Variants in SOCS4 observed in about 807,000 individuals in gnomAD.
The protein encoded by SOCS4 is suppressor of cytokine signaling 4.
Under a neutral mutation model 34.1 loss-of-function variants are expected in SOCS4, and 20 were observed. That is an observed-to-expected ratio of 0.59 (90% CI 0.41 to 0.85). The LOEUF is 0.85. SOCS4 is among the 40% of genes least tolerant of loss of function. The pLI, the probability that SOCS4 is intolerant of heterozygous loss-of-function variation, is 0.00. For missense variants in SOCS4, 479 were observed against 532.4 expected, an observed-to-expected ratio of 0.90 and a Z score of 0.99; for synonymous variants, 180 against 186.4, an observed-to-expected ratio of 0.97 and a Z score of 0.28.
Position 55,028,333 on chromosome 14 carries a change from C to G in SOCS4, c.-220+862C>G, listed in dbSNP as rs563504554. ...GGAAGAATGATTGGCTTAAAAACAA[C>G]TTGGGATTTGTGGAAAAATAACCCA... On this transcript the variant is annotated intron_variant, in intron 1 of 2. Transcript: ENST00000555846. Among the ~76,000 whole-genome samples, 4 of 152,182 alleles carry G rather than the reference C, an allele frequency of 2.6e-5. No homozygotes were observed. In the South Asian group the frequency reaches 8.3e-4, roughly 32 times the overall value.
Position 55,044,324 on chromosome 14 carries a change from TTAGAG to T in SOCS4, c.1286_1290del (p.Arg429ThrfsTer4). ...AAGGAATATCATTATAAATCAAAAG[TTAGAG>T]TACTCAGGATTGATGCACCAGAACA... is the stretch of plus-strand genomic sequence containing the variant. On this transcript the variant is annotated frameshift_variant, in exon 3 of 3. Coordinates refer to ENST00000555846, the MANE Select transcript of SOCS4 (RefSeq NM_199421.2). LOFTEE classifies it high-confidence loss of function. The T allele has an allele frequency of 1.2e-6, 2 of 1,613,118 alleles. No individual in the cohort carries two copies. The highest frequency in any genetic ancestry group is 1.7e-6 in the Non-Finnish European group (2 of 1,179,528).
chr14:55,032,177 G>T (rs532627602), intron 2 of SOCS4, among the ~76,000 whole-genome samples, 186 bp downstream of exon 2: 2 of 152,160 alleles, frequency 1.3e-5, no homozygotes, highest in Non-Finnish European at 2.9e-5. Flanking sequence ...GACATAAGTA[G>T]TTCAATGAAT....
rs1303344827 is a variant in SOCS4 at position 55,047,397 on chromosome 14, G to A, written c.*3033G>A. ...CTTGATTCATAGTATAATTCCTGAA[G>A]TATGCTGAATGGACTTTTTAAGGTT... On this transcript the variant is annotated 3_prime_UTR_variant, in exon 3 of 3. Transcript: ENST00000555846. 1 of 167,014 alleles carries A rather than the reference G, an allele frequency of 6.0e-6. No homozygotes were observed. Among genetic ancestry groups the A allele is most frequent in the Non-Finnish European group, 1.5e-5 (1 of 68,114 alleles). 10.3% of individuals were successfully genotyped at this position (167,014 alleles called of 1,614,324 possible).
rs1353557286 is a variant in SOCS4 at position 55,045,980 on chromosome 14, G to A, written c.*1616G>A. Reference sequence around the variant, plus strand: ...ATAATAGCTTTAAAATAATTTTTTAGTAATTATTACAAAATTAAGGAAAAT... The same window carrying A: ...ATAATAGCTTTAAAATAATTTTTTAATAATTATTACAAAATTAAGGAAAAT... On this transcript the variant is annotated 3_prime_UTR_variant, in exon 3 of 3. Transcript: ENST00000555846. 8 of 166,290 alleles carry A rather than the reference G, an allele frequency of 4.8e-5. No homozygotes were observed. The Admixed American group carries it at 5.3e-4, about 11-fold the overall frequency. 10.3% of individuals were successfully genotyped at this position (166,290 alleles called of 1,614,324 possible).
rs2042640102 is a variant in SOCS4, at chr14:55,043,468, A to G, written c.427A>G (p.Arg143Gly). The G allele has an allele frequency of 6.2e-7, 1 of 1,614,208 alleles. No homozygotes were observed. Among genetic ancestry groups the G allele is most frequent in the Middle Eastern group, 1.6e-4 (1 of 6,062 alleles). ...CCCACCTCGATCAGATTTAGCCTTTAGGTGGCATTTTATTAAACGACACAC... is the reference window on the plus strand; with the variant it reads ...CCCACCTCGATCAGATTTAGCCTTTGGGTGGCATTTTATTAAACGACACAC... ...PFPPRSDLAF[R>G]WHFIKRHTAP... is the part of the protein sequence containing the mutation. The change falls in exon 3 of 3, where the codon AGG becomes GGG. Residue 143 changes from arginine (R) to glycine (G), a missense_variant. Physicochemically the swap from Arg to Gly is moderately radical, Grantham distance 125. Coordinates refer to ENST00000555846, the MANE Select transcript of SOCS4 (RefSeq NM_199421.2).
At position 55,043,392 on chromosome 14, in the gene SOCS4, G is replaced by T. The variant is rs17128136; in HGVS notation, c.351G>T (p.Pro117=). 1.9e-6 allele frequency: 3 copies of T among 1,613,944 alleles called. No homozygotes were observed. Among genetic ancestry groups the T allele is most frequent in the African/African-American group, 2.7e-5 (2 of 74,898 alleles). ...NCSSRHSSGL[P]SKRKIHISEL... is the part of the protein sequence containing the mutation. ...GTAGTCGGCACTCTTCAGGGCTTCC[G>T]TCTAAAAGGAAAATTCATATCAGTG... The change falls in exon 3 of 3, where the codon CCG becomes CCT. Residue 117 remains proline, a synonymous_variant. Transcript: ENST00000555846.
chr14:55,035,137 A>G (rs1046617673), intron 2 of SOCS4, among the ~76,000 whole-genome samples: 3 of 152,230 alleles, frequency 2.0e-5, no homozygotes, highest in Admixed American at 6.5e-5. Context: ...CTGGGATTAC[A>G]GACATGAGCC....
chr14:55,043,393 T>A lies in SOCS4; in HGVS notation c.352T>A (p.Ser118Thr), dbSNP rs548655703. 2 of 1,614,208 alleles carry A rather than the reference T, an allele frequency of 1.2e-6. No homozygotes were observed. The highest frequency in any genetic ancestry group is 2.7e-5 in the African/African-American group (2 of 75,062). ...TAGTCGGCACTCTTCAGGGCTTCCG[T>A]CTAAAAGGAAAATTCATATCAGTGA... ...CSSRHSSGLP[S>T]KRKIHISELM... The change falls in exon 3 of 3, where the codon TCT becomes ACT. Residue 118 changes from serine (S) to threonine (T), a missense_variant. Ser to Thr is a moderately conservative substitution (Grantham distance 58). Coordinates refer to ENST00000555846, the MANE Select transcript of SOCS4 (RefSeq NM_199421.2).
At position 55,043,798 on chromosome 14, in the gene SOCS4, G is replaced by A; in HGVS notation, c.757G>A (p.Asp253Asn). The A allele has an allele frequency of 6.2e-7, 1 of 1,614,154 alleles. No homozygotes were observed. The highest frequency in any genetic ancestry group is 8.5e-7 in the Non-Finnish European group (1 of 1,180,006). ...KRNKPKWDLD[D>N]EILQLETPPK... ...AAACAAACCCAAATGGGATTTGGAT[G>A]ATGAAATCCTGCAGTTGGAAACACC... Residue 253 changes from aspartate (D) to asparagine (N), a missense_variant, in exon 3 of 3, where the codon GAT (aspartate) becomes AAT (asparagine). Asp to Asn is a conservative substitution (Grantham distance 23). Coordinates refer to ENST00000555846, the MANE Select transcript of SOCS4 (RefSeq NM_199421.2).
Position 55,043,279 on chromosome 14 carries a change from C to G in SOCS4, c.238C>G (p.His80Asp). ...SCSSIELDLD[H>D]SCGHRFLGRS... ...TTCATCCATTGAGTTGGACTTAGAT[C>G]ATTCCTGTGGGCATCGATTTTTAGG... Residue 80 changes from histidine (H) to aspartate (D), a missense_variant, in exon 3 of 3, where the codon CAT becomes GAT. His to Asp is a moderately conservative substitution (Grantham distance 81, BLOSUM62 -1). Transcript: ENST00000555846. The G allele has an allele frequency of 6.2e-7, 1 of 1,614,208 alleles. No individual in the cohort carries two copies. Among genetic ancestry groups the G allele is most frequent in the Non-Finnish European group, 8.5e-7 (1 of 1,180,032 alleles).
At chr14:55,033,177 G>T (rs1331901697) in intron 2 of SOCS4, among the ~76,000 whole-genome samples, 1 of 151,994 alleles carries the variant, frequency 6.6e-6, no homozygotes, top group African/African-American at 2.4e-5. Flanking sequence ...TTTACATTCA[G>T]ATTTTACATG....
chr14:55,044,418 ATTTTTC>A lies in SOCS4; in HGVS notation c.*60_*65del. Reference sequence around the variant, plus strand: ...TATATATTTTTTCTTTTAATATTTTATTTTTCTTTTTATGCCACTTTGGATTTTTCT... The same window carrying A: ...TATATATTTTTTCTTTTAATATTTTATTTTTATGCCACTTTGGATTTTTCT... On this transcript the variant is annotated 3_prime_UTR_variant, in exon 3 of 3. Coordinates refer to ENST00000555846, the MANE Select transcript of SOCS4 (RefSeq NM_199421.2). The A allele has an allele frequency of 4.8e-6, 6 of 1,249,736 alleles. No individual in the cohort carries two copies. The highest frequency in any genetic ancestry group is 5.1e-6 in the Non-Finnish European group (5 of 975,586). 77.4% of individuals were successfully genotyped at this position (1,249,736 alleles called of 1,614,324 possible).
chr14:55,040,454 G>A (rs1301885552), intron 2 of SOCS4, among the ~76,000 whole-genome samples: 2 of 152,140 alleles, frequency 1.3e-5, no homozygotes, highest in East Asian at 3.9e-4. Flanking sequence ...TATATAAAGA[G>A]TTATTATAGG....
At position 55,046,830 on chromosome 14, in the gene SOCS4, T is replaced by C. The variant is rs1449225178; in HGVS notation, c.*2466T>C. ...AATTGTTTAAGGGAAAAGAAAAGAG[T>C]AATAATTTTTTTTAAAACATTAAGG... On this transcript the variant is annotated 3_prime_UTR_variant, in exon 3 of 3. Coordinates refer to ENST00000555846, the MANE Select transcript of SOCS4 (RefSeq NM_199421.2). 1 of 166,664 alleles carries C rather than the reference T, an allele frequency of 6.0e-6. No individual in the cohort carries two copies. The highest frequency in any genetic ancestry group is 1.5e-5 in the Non-Finnish European group (1 of 68,046). 10.3% of individuals were successfully genotyped at this position (166,664 alleles called of 1,614,324 possible).
intron 2 of SOCS4, among the ~76,000 whole-genome samples, chr14:55,036,427 T>C (rs2140245041): frequency 6.6e-6 from 1 of 151,780 alleles, no homozygotes; most frequent in South Asian, 2.1e-4. Context: ...CACTGCAACC[T>C]CTGCCTCCAG....
intron 2 of SOCS4, among the ~76,000 whole-genome samples, chr14:55,039,382 A>T (rs1025632778): frequency 6.6e-6 from 1 of 151,958 alleles, no homozygotes; most frequent in African/African-American, 2.4e-5. Flanking sequence ...AGGCTGCAGC[A>T]AGCCATGATT....
At chr14:55,034,796 G>A (rs970483595) in intron 2 of SOCS4, among the ~76,000 whole-genome samples, 5 of 150,724 alleles carry the variant, frequency 3.3e-5, no homozygotes, top group African/African-American at 1.2e-4. Flanking sequence ...CTCCAGCCTG[G>A]GCGACAGAGT....
chr14:55,048,138 C>T lies in SOCS4; in HGVS notation c.*3774C>T, dbSNP rs1386920084. On this transcript the variant is annotated 3_prime_UTR_variant, in exon 3 of 3. Coordinates refer to ENST00000555846, the MANE Select transcript of SOCS4 (RefSeq NM_199421.2). Reference sequence around the variant, plus strand: ...GTTTCACTACATTGGCCAGGCTGGTCTCGAACTCCTGACCTCAGGTGACCA... The same window carrying T: ...GTTTCACTACATTGGCCAGGCTGGTTTCGAACTCCTGACCTCAGGTGACCA... The T allele has an allele frequency of 6.0e-6, 1 of 166,098 alleles. No individual in the cohort carries two copies. The highest frequency in any genetic ancestry group is 2.4e-5 in the African/African-American group (1 of 41,460). 10.3% of individuals were successfully genotyped at this position (166,098 alleles called of 1,614,324 possible). A position where few individuals can be genotyped will look rare whatever the true frequency, so the allele number is the denominator to read the frequency against.
chr14:55,043,430 A>ATC lies in SOCS4; in HGVS notation c.390_391insCT (p.Lys131LeufsTer11). On this transcript the variant is annotated frameshift_variant, in exon 3 of 3. Coordinates refer to ENST00000555846, the MANE Select transcript of SOCS4 (RefSeq NM_199421.2). LOFTEE classifies it high-confidence loss of function. ...ATTCATATCAGTGAACTCATGTTAG[A>ATC]TAAGTGTCCTTTCCCACCTCGATCA... 6.2e-7 allele frequency: 1 copy of ATC among 1,614,208 alleles called. No homozygotes were observed. Among genetic ancestry groups the ATC allele is most frequent in the South Asian group, 1.1e-5 (1 of 91,088 alleles).
Sources: allele counts gnomAD v4.1 joint callset (sites outside exome capture counted in the v4.1 genomes callset), GRCh38; gene constraint gnomAD v4.1.1; transcripts MANE v1.5; gene names NCBI Gene and HGNC (gene_info 2026-07-23, HGNC 2026-07-21).